Variants in ITCH observed in about 807,000 individuals in gnomAD.
ITCH encodes itchy E3 ubiquitin protein ligase.
ITCH carries 28 observed loss-of-function variants against 126.8 expected under a neutral mutation model. The ratio of observed to expected loss-of-function variants is 0.22; its 90% CI spans 0.16 to 0.30. ITCH has a LOEUF of 0.30. ITCH is among the 10% of genes least tolerant of loss of function. The pLI is 1.00. For missense variants in ITCH, 631 were observed against 1,032.4 expected (o/e 0.61, Z 5.33); for synonymous variants, 342 against 340.0 (o/e 1.01, Z -0.06).
At chr20:34,444,548 A>C (rs1376782328) in intron 10 of ITCH, among the ~76,000 whole-genome samples, 1 of 151,924 alleles carries the variant, frequency 6.6e-6, no homozygotes, top group South Asian at 2.1e-4. Flanking sequence ...GCGCCATTGC[A>C]CTCCATCCAG....
intron 6 of ITCH, among the ~76,000 whole-genome samples, chr20:34,420,382 A>C (rs756296708): frequency 3.3e-5 from 5 of 152,234 alleles, no homozygotes; most frequent in Non-Finnish European, 5.9e-5. Context: ...TTTGAGGTTC[A>C]TCCAAGTTGT....
chr20:34,479,869 A>C (rs1478220985), intron 18 of ITCH, 80 bp downstream of exon 18: 6 of 1,247,426 alleles, frequency 4.8e-6, no homozygotes, highest in Non-Finnish European at 5.8e-6. Flanking sequence ...AACAGATCAT[A>C]TGAGAGAAAG....
chr20:34,412,073 C>A (rs763167293), intron 4 of ITCH, among the ~76,000 whole-genome samples: 5 of 152,114 alleles, frequency 3.3e-5, no homozygotes, highest in Admixed American at 1.3e-4. Flanking sequence ...AGGCAATTTG[C>A]TTTATCTCTG....
chr20:34,410,425 G>T (rs1021145985), intron 4 of ITCH, among the ~76,000 whole-genome samples: 5 of 151,632 alleles, frequency 3.3e-5, no homozygotes, highest in African/African-American at 1.2e-4. Context: ...CTTGAGGCCC[G>T]TATCATTCGG....
In ITCH at chr20:34,438,645, C is replaced by T. The variant is rs776639526; in HGVS notation, c.679+14C>T. The T allele has an allele frequency of 6.2e-7, 1 of 1,613,338 alleles. No homozygotes were observed. On this transcript the variant is annotated intron_variant, in intron 8 of 24. Coordinates refer to ENST00000374864, the MANE Select transcript of ITCH (RefSeq NM_031483.7). Reference sequence around the variant, plus strand: ...CACGTAGACCAGGTTTGTATTCCAGCTCTCAATACTCTTGGAAATAATGTC... The same window carrying T: ...CACGTAGACCAGGTTTGTATTCCAGTTCTCAATACTCTTGGAAATAATGTC...
chr20:34,407,891 G>A (rs960671320), intron 3 of ITCH, among the ~76,000 whole-genome samples: 1 of 152,090 alleles, frequency 6.6e-6, no homozygotes, highest in Non-Finnish European at 1.5e-5. Context: ...ATTGCTTTAG[G>A]GACAGAGTTT....
Position 34,413,736 on chromosome 20 carries a change from T to C in ITCH, c.338-6T>C. 6.3e-7 allele frequency: 1 copy of C among 1,596,302 alleles called. No individual in the cohort carries two copies. The highest frequency in any genetic ancestry group is 8.6e-7 in the Non-Finnish European group (1 of 1,169,422). The stretch of plus-strand genomic sequence containing the variant: ...CCATTTTTTCTGTAACTTTATTTTC[T>C]TCCAGTTGAAGAAGTAGTTGTGACT... On this transcript the variant is annotated splice_polypyrimidine_tract_variant and splice_region_variant and intron_variant, in intron 5 of 24. Transcript: ENST00000374864.
intron 23 of ITCH, among the ~76,000 whole-genome samples, chr20:34,503,877 T>TTG: frequency 3.7e-5 from 4 of 109,222 alleles, no homozygotes; most frequent in Middle Eastern, 4.9e-3. Context: ...TTGGTTTTTT[T>TTG]TTTTTTGGTT....
intron 3 of ITCH, among the ~76,000 whole-genome samples, chr20:34,397,715 G>C (rs2038725585): frequency 2.0e-5 from 3 of 151,864 alleles, no homozygotes; most frequent in African/African-American, 7.3e-5. Flanking sequence ...CTTAGTTAAG[G>C]CCAGATTCCA....
intron 23 of ITCH, among the ~76,000 whole-genome samples, chr20:34,494,154 C>T (rs542453533): frequency 1.8e-4 from 28 of 152,264 alleles, no homozygotes; most frequent in African/African-American, 6.3e-4. Context: ...CGCTTGAACC[C>T]GGGAGGCAGA....
chr20:34,444,129 G>A (rs1984127468), intron 10 of ITCH, among the ~76,000 whole-genome samples: 1 of 152,096 alleles, frequency 6.6e-6, no homozygotes, highest in African/African-American at 2.4e-5. Flanking sequence ...TATAACATCA[G>A]AATATTGGAA....
chr20:34,424,170 A>G (rs1442545527), intron 6 of ITCH, among the ~76,000 whole-genome samples: 1 of 152,170 alleles, frequency 6.6e-6, no homozygotes, highest in Non-Finnish European at 1.5e-5. Flanking sequence ...TTAAAACACT[A>G]GGTTTAAATT....
chr20:34,380,753 G>C (rs539978821), intron 2 of ITCH, among the ~76,000 whole-genome samples: 1 of 151,508 alleles, frequency 6.6e-6, no homozygotes. Flanking sequence ...CCCTGCCCAA[G>C]AAGTTGAGTG....
chr20:34,417,257 T>C lies in ITCH; in HGVS notation c.475+3378T>C, dbSNP rs774228915. 31 of 552,602 alleles carry C rather than the reference T, an allele frequency of 5.6e-5. 1 individual carries two copies. The highest frequency in any genetic ancestry group is 5.0e-4 in the Middle Eastern group (1 of 2,004). The allele number at this position is 552,602 out of a possible 1,614,324, so 34.2% of individuals were successfully genotyped here. ...GTTTACAGGTATGCACCACCACGCC[T>C]GGCTAATTTTGTATTTTTTAGTAGA... On this transcript the variant is annotated intron_variant, in intron 6 of 24. Coordinates refer to ENST00000374864, the MANE Select transcript of ITCH (RefSeq NM_031483.7).
chr20:34,468,747 C>G (rs1308395402), intron 14 of ITCH, among the ~76,000 whole-genome samples: 1 of 150,686 alleles, frequency 6.6e-6, no homozygotes, highest in East Asian at 1.9e-4. Flanking sequence ...GCAGAGATTG[C>G]GCCACTGCAC....
At chr20:34,396,406 A>G (rs796698810) in intron 3 of ITCH, among the ~76,000 whole-genome samples, 3 of 152,120 alleles carry the variant, frequency 2.0e-5, no homozygotes, top group African/African-American at 7.2e-5. Context: ...ATTTCTCTAC[A>G]TTCTTGCCAG....
At chr20:34,469,116 G>C (rs1600420459) in intron 14 of ITCH, among the ~76,000 whole-genome samples, 1 of 152,066 alleles carries the variant, frequency 6.6e-6, no homozygotes, top group African/African-American at 2.4e-5. Flanking sequence ...CCATCCTAGA[G>C]TATGGTCTCA....
intron 16 of ITCH, among the ~76,000 whole-genome samples, chr20:34,472,046 TAGTC>T (rs1987684258): frequency 6.6e-6 from 1 of 152,078 alleles, no homozygotes; most frequent in African/African-American, 2.4e-5. Context: ...TTTTCAGAAG[TAGTC>T]AGCAGATTTT....
At position 34,393,804 on chromosome 20, in the gene ITCH, T is replaced by A; in HGVS notation, c.-8T>A. ...TGCCATGTTCAGGTTTTCCAACCTATTGGTGGTATGTCTGACAGTGGATCA... is the reference window on the plus strand; with the variant it reads ...TGCCATGTTCAGGTTTTCCAACCTAATGGTGGTATGTCTGACAGTGGATCA... On this transcript the variant is annotated 5_prime_UTR_variant, in exon 3 of 25. The change creates a new upstream start codon in the 5' untranslated region. Transcript: ENST00000374864. The A allele has an allele frequency of 1.2e-6, 2 of 1,610,842 alleles. No individual in the cohort carries two copies. Among genetic ancestry groups the A allele is most frequent in the Non-Finnish European group, 1.7e-6 (2 of 1,177,010 alleles).
Sources: gnomAD v4.1 joint callset for allele counts (sites outside exome capture counted in the v4.1 genomes callset) on GRCh38, gnomAD v4.1.1 for gene constraint, MANE v1.5 for transcripts, NCBI Gene and HGNC (gene_info 2026-07-23, HGNC 2026-07-21) for gene names.